The following NBR1 variants were observed in gnomAD, a reference collection of about 807,000 sequenced individuals.
NBR1 encodes the protein next to BRCA1 gene 1 protein.
In NBR1, 59 loss-of-function variants were observed where a neutral mutation model predicts 115.5. The ratio of observed to expected loss-of-function variants is 0.51; its 90% CI spans 0.41 to 0.63. The LOEUF is 0.63. NBR1 is among the 30% of genes least tolerant of loss of function. The pLI is 0.00. For synonymous variants in NBR1, 373 were observed against 414.7 expected, an observed-to-expected ratio of 0.90 and a Z score of 1.22; for missense variants, 1,043 against 1,150.5, an observed-to-expected ratio of 0.91 and a Z score of 1.35.
intron 16 of NBR1, among the ~76,000 whole-genome samples, chr17:43,199,536 G>A (rs2057147515): frequency 6.6e-6 from 1 of 151,942 alleles, no homozygotes; most frequent in East Asian, 1.9e-4. Context: ...CACCATGCCC[G>A]GGTAATTTTT....
At chr17:43,178,163 G>T (rs1288596980) in intron 3 of NBR1, 165 bp downstream of exon 3, 1 of 793,706 alleles carries the variant, frequency 1.3e-6, no homozygotes, top group Non-Finnish European at 1.9e-6. Flanking sequence ...ATCTGAGATG[G>T]AGTTGAGAAA....
intron 3 of NBR1, among the ~76,000 whole-genome samples, chr17:43,178,799 C>T (rs2056592179): frequency 1.4e-5 from 2 of 143,948 alleles, no homozygotes. Flanking sequence ...AAGAGGGTCT[C>T]ACTCTGTTGC....
intron 20 of NBR1, among the ~76,000 whole-genome samples, chr17:43,208,927 A>G (rs1041215545): frequency 6.6e-6 from 1 of 152,130 alleles, no homozygotes; most frequent in African/African-American, 2.4e-5. Context: ...TGTTCACACC[A>G]CTGCACACCA....
intron 20 of NBR1, among the ~76,000 whole-genome samples, chr17:43,208,667 A>G (rs2057360744): frequency 6.6e-6 from 1 of 152,164 alleles, no homozygotes; most frequent in African/African-American, 2.4e-5. Context: ...TGAAATTGGG[A>G]TAATAACAGA....
At chr17:43,187,655 C>G (rs2056849045) in intron 6 of NBR1, among the ~76,000 whole-genome samples, 5 of 151,160 alleles carry the variant, frequency 3.3e-5, no homozygotes, top group Non-Finnish European at 7.4e-5. Context: ...ATTACAGGCA[C>G]ACACCACCAC....
chr17:43,188,057 T>C (rs1278756714), intron 6 of NBR1, among the ~76,000 whole-genome samples: 2 of 151,396 alleles, frequency 1.3e-5, no homozygotes, highest in Non-Finnish European at 2.9e-5. Context: ...CGCCTAGCTA[T>C]TTTTTTGTAT....
chr17:43,196,410 C>T, intron 14 of NBR1, 71 bp from the exon 15 acceptor site: 1 of 947,632 alleles, frequency 1.1e-6, no homozygotes, highest in Non-Finnish European at 1.5e-6. Context: ...CAAACTGCTA[C>T]TTCTGGACAC....
intron 15 of NBR1, among the ~76,000 whole-genome samples, 152 bp downstream of exon 15, chr17:43,196,743 G>A (rs1195837223): frequency 1.3e-5 from 2 of 152,156 alleles, no homozygotes; most frequent in African/African-American, 2.4e-5. Flanking sequence ...CCTTCACATG[G>A]CACAGATAGC....
intron 17 of NBR1, 109 bp from the exon 18 acceptor site, chr17:43,201,577 T>C (rs752769399): frequency 1.5e-5 from 10 of 677,040 alleles, no homozygotes; most frequent in Non-Finnish European, 2.7e-5. Flanking sequence ...GGATCAGAAA[T>C]GTGAAGCCTC....
intron 1 of NBR1, among the ~76,000 whole-genome samples, chr17:43,173,839 C>G (rs1429288866): frequency 2.0e-5 from 3 of 149,910 alleles, no homozygotes; most frequent in African/African-American, 5.0e-5. Flanking sequence ...CCCCCCACCC[C>G]CACCCCCGCA....
At chr17:43,189,396 A>G (rs1047609911) in intron 7 of NBR1, among the ~76,000 whole-genome samples, 192 bp from the exon 8 acceptor site, 2 of 152,204 alleles carry the variant, frequency 1.3e-5, no homozygotes, top group African/African-American at 2.4e-5. Context: ...GGATGTTTTG[A>G]TATTTTCTTC....
At chr17:43,205,779 G>A (rs773786592) in intron 20 of NBR1, among the ~76,000 whole-genome samples, 4 of 151,580 alleles carry the variant, frequency 2.6e-5, no homozygotes, top group African/African-American at 9.7e-5. Context: ...TCAAGAGGCC[G>A]AGGTGGGAAG....
rs551777227 is a variant in NBR1, at chr17:43,171,880, C to G, written c.-10+578C>G. Among the ~76,000 whole-genome samples the G allele has an allele frequency of 2.0e-5, 3 of 152,220 alleles. No individual in the cohort carries two copies. In the South Asian group the frequency reaches 6.2e-4, roughly 32 times the overall value. ...CTGGGCTTGAACTGCTGAGCTCAAGCGATCCTCGTGCCTTGGCCTCCCAAA... is the reference window on the plus strand; with the variant it reads ...CTGGGCTTGAACTGCTGAGCTCAAGGGATCCTCGTGCCTTGGCCTCCCAAA... On this transcript the variant is annotated intron_variant, in intron 1 of 20. Transcript: ENST00000590996.
Position 43,200,273 on chromosome 17 carries a change from G to T in NBR1, c.2133G>T (p.Glu711Asp). ...AGGAGGAGGAGGATGAGGAGGATGA[G>T]GAGGAGGAGGATGAGCTCAAAGATG... ...VMEEEEDEED[E>D]EEEDELKDEV... Residue 711 changes from glutamate (E) to aspartate (D), a missense_variant, in exon 17 of 21, where the codon GAG becomes GAT. Coordinates refer to ENST00000590996, the MANE Select transcript of NBR1 (RefSeq NM_005899.5). The T allele has an allele frequency of 1.3e-6, 2 of 1,548,242 alleles. No individual in the cohort carries two copies. The highest frequency in any genetic ancestry group is 1.7e-6 in the Non-Finnish European group (2 of 1,143,810).
chr17:43,180,021 A>G (rs1183646127), intron 4 of NBR1, among the ~76,000 whole-genome samples: 1 of 152,234 alleles, frequency 6.6e-6, no homozygotes, highest in Non-Finnish European at 1.5e-5. Context: ...TGCAACAAAA[A>G]GGGAGTTTGT....
chr17:43,202,072 T>C (rs2057212200), intron 18 of NBR1, among the ~76,000 whole-genome samples: 1 of 148,664 alleles, frequency 6.7e-6, no homozygotes, highest in African/African-American at 2.5e-5. Context: ...CCCAGCTACT[T>C]GGGAGGCTGA....
intron 18 of NBR1, 56 bp downstream of exon 18, chr17:43,201,836 A>G (rs2057206442): frequency 1.0e-6 from 1 of 968,152 alleles, no homozygotes; most frequent in Non-Finnish European, 1.6e-6. Context: ...AATGGAAACC[A>G]GGTATAAATA....
intron 14 of NBR1, 72 bp downstream of exon 14, chr17:43,195,111 T>G: frequency 8.5e-7 from 1 of 1,169,652 alleles, no homozygotes. Context: ...TAGACACTGG[T>G]AGTGTTTTAT....
In NBR1 at chr17:43,200,162, T is replaced by C. The variant is rs1360764068; in HGVS notation, c.2027-5T>C. ...ACCTTAAAATTGGTTGCTTTCATCC[T>C]TTAGTGACATTTGCCTTGCCTGAAG... On this transcript the variant is annotated splice_region_variant and splice_polypyrimidine_tract_variant and intron_variant, in intron 16 of 20. Transcript: ENST00000590996. 17 of 1,540,648 alleles carry C rather than the reference T, an allele frequency of 1.1e-5. No homozygotes were observed. Among genetic ancestry groups the C allele is most frequent in the Non-Finnish European group, 1.5e-5 (17 of 1,140,124 alleles).
Sources: allele counts gnomAD v4.1 joint callset (sites outside exome capture counted in the v4.1 genomes callset), GRCh38; gene constraint gnomAD v4.1.1; transcripts MANE v1.5; gene names NCBI Gene and HGNC (gene_info 2026-07-23, HGNC 2026-07-21).